The following CACNA2D1 variants were observed in gnomAD, a reference collection of about 807,000 sequenced individuals.
CACNA2D1 encodes calcium voltage-gated channel auxiliary subunit alpha2delta 1.
CACNA2D1 carries 53 observed loss-of-function variants against 171.5 expected under a neutral mutation model. The observed-to-expected ratio is 0.31, with a 90% CI of 0.25 to 0.39. CACNA2D1 has a LOEUF of 0.39. CACNA2D1 is among the 10% of genes least tolerant of loss of function. CACNA2D1 has a pLI of 1.00. For missense variants in CACNA2D1, 903 were observed against 1,299.8 expected (o/e 0.69, Z 4.69); for synonymous variants, 442 against 443.1 (o/e 1.00, Z 0.03).
At chr7:82,407,027 T>C (rs1827134772) in intron 1 of CACNA2D1, among the ~76,000 whole-genome samples, 1 of 152,184 alleles carries the variant, frequency 6.6e-6, no homozygotes, top group Non-Finnish European at 1.5e-5. Flanking sequence ...CCTCTATAAA[T>C]ATGATAAAGA....
chr7:82,121,770 A>G (rs1789764268), intron 5 of CACNA2D1, among the ~76,000 whole-genome samples: 1 of 152,162 alleles, frequency 6.6e-6, no homozygotes, highest in South Asian at 2.1e-4. Context: ...CTTGCAAAAA[A>G]ACATATGAGC....
At chr7:82,441,478 T>C (rs1373703522) in intron 1 of CACNA2D1, among the ~76,000 whole-genome samples, 2 of 152,156 alleles carry the variant, frequency 1.3e-5, no homozygotes, top group East Asian at 3.8e-4. Flanking sequence ...AATTGTGATG[T>C]CCTACTTCCC....
intron 3 of CACNA2D1, among the ~76,000 whole-genome samples, chr7:82,188,091 G>C (rs1797948578): frequency 6.6e-6 from 1 of 152,092 alleles, no homozygotes; most frequent in Non-Finnish European, 1.5e-5. Context: ...CTTTATAAGA[G>C]CACTAATCAC....
chr7:82,045,228 C>A (rs1018272874), intron 10 of CACNA2D1, among the ~76,000 whole-genome samples: 4 of 152,040 alleles, frequency 2.6e-5, no homozygotes, highest in African/African-American at 9.7e-5. Flanking sequence ...TAAACACTTC[C>A]CATTTTTTAT....
At chr7:82,025,364 G>T (rs771983732) in intron 12 of CACNA2D1, among the ~76,000 whole-genome samples, 2 of 151,314 alleles carry the variant, frequency 1.3e-5, no homozygotes, top group Non-Finnish European at 3.0e-5. Flanking sequence ...TGTTAAGTTC[G>T]CCTCCTTTGT....
chr7:82,287,843 T>G (rs1009560256), intron 3 of CACNA2D1, among the ~76,000 whole-genome samples: 2 of 138,588 alleles, frequency 1.4e-5, no homozygotes, highest in Non-Finnish European at 3.1e-5. Flanking sequence ...TCCTTACTTT[T>G]TTTTGTTTTT....
Position 81,982,609 on chromosome 7 carries a change from G to T in CACNA2D1, c.1913C>A (p.Pro638Gln), listed in dbSNP as rs1245193680. Residue 638 changes from proline to glutamine, a missense_variant, in exon 24 of 39, where the codon CCA becomes CAA. Around this residue, in one of 5 missense-constraint regions of CACNA2D1, gnomAD observed 623 missense variants for 925.5 expected, o/e 0.67. Coordinates refer to ENST00000356860, the MANE Select transcript of CACNA2D1 (RefSeq NM_000722.4). ...GKMKDSETLK[P>Q]DNFEESGYTF... ...ATAGCCAGATTCTTCAAAATTATCT[G>T]GCTTCAGGGTTTCCGAATCTGCAAA... 2 of 1,607,410 alleles carry T rather than the reference G, an allele frequency of 1.2e-6. No homozygotes were observed. Among genetic ancestry groups the T allele is most frequent in the African/African-American group, 2.7e-5 (2 of 74,844 alleles).
At chr7:82,356,815 T>C (rs1820479213) in intron 1 of CACNA2D1, among the ~76,000 whole-genome samples, 1 of 152,146 alleles carries the variant, frequency 6.6e-6, no homozygotes, top group Admixed American at 6.6e-5. Context: ...CTTGATACTT[T>C]AAAGAAATGA....
chr7:82,387,316 C>T (rs965647877), intron 1 of CACNA2D1, among the ~76,000 whole-genome samples: 1 of 152,002 alleles, frequency 6.6e-6, no homozygotes, highest in Admixed American at 6.6e-5. Flanking sequence ...TTAAAGCATT[C>T]TTAGTTGTTA....
chr7:82,017,390 G>A (rs1800630826), intron 12 of CACNA2D1, among the ~76,000 whole-genome samples: 1 of 151,962 alleles, frequency 6.6e-6, no homozygotes, highest in African/African-American at 2.4e-5. Flanking sequence ...TAACTTCACT[G>A]ATTTCATAAA....
chr7:82,238,980 T>C (rs1803934274), intron 3 of CACNA2D1, among the ~76,000 whole-genome samples: 2 of 152,068 alleles, frequency 1.3e-5, no homozygotes, highest in African/African-American at 4.8e-5. Flanking sequence ...AATAAAATCA[T>C]TGAGTAGATG....
intron 3 of CACNA2D1, among the ~76,000 whole-genome samples, 171 bp from the exon 4 acceptor site, chr7:82,170,780 T>C (rs1375474586): frequency 6.6e-6 from 1 of 152,020 alleles, no homozygotes; most frequent in Non-Finnish European, 1.5e-5. Flanking sequence ...CTAAAGTTGA[T>C]GTTTGTATAT....
At chr7:81,970,012 A>G in intron 27 of CACNA2D1, 28 bp from the exon 28 acceptor site, 1 of 1,297,722 alleles carries the variant, frequency 7.7e-7, no homozygotes, top group African/African-American at 1.5e-5. Flanking sequence ...CATCATTTGT[A>G]TTCTTTAATC....
intron 3 of CACNA2D1, among the ~76,000 whole-genome samples, chr7:82,270,788 T>A (rs1236379074): frequency 1.3e-5 from 2 of 152,182 alleles, no homozygotes; most frequent in East Asian, 3.8e-4. Context: ...TTCAAAGTCG[T>A]CATTACCAAA....
intron 3 of CACNA2D1, among the ~76,000 whole-genome samples, chr7:82,222,099 G>T (rs1801837813): frequency 6.6e-6 from 1 of 152,130 alleles, no homozygotes. Context: ...AGCAAAATGG[G>T]GTTTCTGCAG....
chr7:82,154,078 T>C (rs552587171), intron 4 of CACNA2D1, among the ~76,000 whole-genome samples: 1 of 152,256 alleles, frequency 6.6e-6, no homozygotes, highest in Non-Finnish European at 1.5e-5. Context: ...TTTTTTGCCA[T>C]GAGCAATAAG....
intron 3 of CACNA2D1, among the ~76,000 whole-genome samples, chr7:82,271,752 C>T (rs777723109): frequency 6.6e-6 from 1 of 152,020 alleles, no homozygotes; most frequent in South Asian, 2.1e-4. Context: ...AATGGCTAGA[C>T]CAGCAAAGCA....
At chr7:82,375,979 G>A (rs1822975995) in intron 1 of CACNA2D1, among the ~76,000 whole-genome samples, 1 of 152,000 alleles carries the variant, frequency 6.6e-6, no homozygotes, top group African/African-American at 2.4e-5. Flanking sequence ...TAAAGCTGGG[G>A]GATAGAAAAT....
intron 3 of CACNA2D1, among the ~76,000 whole-genome samples, chr7:82,250,461 T>C (rs887142032): frequency 6.6e-6 from 1 of 152,220 alleles, no homozygotes; most frequent in Non-Finnish European, 1.5e-5. Context: ...GGATATATCC[T>C]GAAATATCCT....
Sources: gnomAD v4.1 joint callset for allele counts (sites outside exome capture counted in the v4.1 genomes callset) on GRCh38, gnomAD v4.1.1 for gene constraint, gnomAD v4.1.1 regional missense constraint, MANE v1.5 for transcripts, NCBI Gene and HGNC (gene_info 2026-07-23, HGNC 2026-07-21) for gene names.